Variants in CDK8 observed in about 807,000 individuals in gnomAD.
CDK8 encodes cyclin dependent kinase 8, also known as cyclin-dependent kinase 8.
CDK8 carries 29 observed loss-of-function variants against 71.5 expected under a neutral mutation model. The ratio of observed to expected loss-of-function variants is 0.41; its 90% CI spans 0.30 to 0.55. The LOEUF is 0.55. Ranked by LOEUF, CDK8 falls within the 20% of genes least tolerant of loss-of-function variation. The pLI is 0.37. For synonymous variants in CDK8, 161 were observed against 192.1 expected (o/e 0.84, Z 1.34); for missense variants, 288 against 572.6 (o/e 0.50, Z 5.07).
intron 1 of CDK8, among the ~76,000 whole-genome samples, chr13:26,291,008 A>G (rs553310712): frequency 6.6e-6 from 1 of 151,268 alleles, no homozygotes; most frequent in African/African-American, 2.4e-5. Context: ...AGTCCCAGCT[A>G]TTCGGGTGGT....
At chr13:26,351,390 G>C (rs1418363335) in intron 3 of CDK8, among the ~76,000 whole-genome samples, 1 of 151,548 alleles carries the variant, frequency 6.6e-6, no homozygotes, top group Admixed American at 6.6e-5. Context: ...TATTTTAAAA[G>C]AAATCTAATC....
intron 1 of CDK8, among the ~76,000 whole-genome samples, chr13:26,293,213 T>G (rs1252593729): frequency 1.3e-5 from 2 of 152,248 alleles, no homozygotes; most frequent in Non-Finnish European, 2.9e-5. Context: ...GTATATATAA[T>G]TTGTCATCTG....
chr13:26,298,920 C>A (rs918431397), intron 1 of CDK8, among the ~76,000 whole-genome samples: 1 of 152,110 alleles, frequency 6.6e-6, no homozygotes, highest in Non-Finnish European at 1.5e-5. Context: ...CACCAAGAAA[C>A]CCTGTCCTAA....
At chr13:26,287,932 A>G (rs1037567989) in intron 1 of CDK8, among the ~76,000 whole-genome samples, 1 of 152,096 alleles carries the variant, frequency 6.6e-6, no homozygotes, top group African/African-American at 2.4e-5. Context: ...TTGTCTTTTA[A>G]TGAGCAGAAG....
At chr13:26,307,577 A>G (rs995393532) in intron 1 of CDK8, among the ~76,000 whole-genome samples, 7 of 152,216 alleles carry the variant, frequency 4.6e-5, no homozygotes, top group Admixed American at 2.6e-4. Context: ...CTTCCTACCC[A>G]TAAATCTGTA....
rs1876393095 is a variant in CDK8 at position 26,404,036 on chromosome 13, C to T, written c.1350C>T (p.Thr450=). ...AGAGCAGCATGGGATACTCAGCTAC[C>T]TCCCAGCAGCCTCCACAGTACTCAC... is the stretch of plus-strand genomic sequence containing the variant. ...QPQSSMGYSA[T]SQQPPQYSHQ... Residue 450 remains threonine (T), a synonymous_variant, in exon 13 of 13, where the codon ACC becomes ACT. Transcript: ENST00000381527. 1 of 1,614,066 alleles carries T rather than the reference C, an allele frequency of 6.2e-7. No homozygotes were observed. Among genetic ancestry groups the T allele is most frequent in the Non-Finnish European group, 8.5e-7 (1 of 1,179,980 alleles).
chr13:26,311,381 C>CT (rs1874278106), intron 1 of CDK8, among the ~76,000 whole-genome samples: 1 of 151,904 alleles, frequency 6.6e-6, no homozygotes, highest in Non-Finnish European at 1.5e-5. Context: ...TTATTAAGTT[C>CT]TTGTTTGTCT....
At position 26,254,181 on chromosome 13, in the gene CDK8, G is replaced by A. The variant is rs952235039; in HGVS notation, c.-461G>A. 4 of 233,294 alleles carry A rather than the reference G, an allele frequency of 1.7e-5. No individual in the cohort carries two copies. Among genetic ancestry groups the A allele is most frequent in the South Asian group, 1.5e-4 (1 of 6,750 alleles). The allele number at this position is 233,294 out of a possible 1,614,324, so 14.5% of individuals were successfully genotyped here. On this transcript the variant is annotated 5_prime_UTR_variant, in exon 1 of 13. Coordinates refer to ENST00000381527, the MANE Select transcript of CDK8 (RefSeq NM_001260.3). This position sits in a 1 kb window ranked among gnomAD's most constrained non-coding sequence, Gnocchi z 6.7. Reference sequence around the variant, plus strand: ...TGCCCTTCTGTTTGAGTGTATGGGAGAGTGAGTGAGTGAGTGAGTGTGAGC... The same window carrying A: ...TGCCCTTCTGTTTGAGTGTATGGGAAAGTGAGTGAGTGAGTGAGTGTGAGC...
chr13:26,345,026 A>G (rs1873405357), intron 2 of CDK8, among the ~76,000 whole-genome samples: 2 of 152,226 alleles, frequency 1.3e-5, no homozygotes, highest in Admixed American at 6.5e-5. Context: ...TGATACATGT[A>G]TGTATACCAG....
chr13:26,255,063 G>C (rs943291735), intron 1 of CDK8, among the ~76,000 whole-genome samples: 3 of 151,892 alleles, frequency 2.0e-5, no homozygotes, highest in Admixed American at 2.0e-4. Context: ...GAAAAAATTC[G>C]TTCTAAAACG....
At chr13:26,261,336 C>T (rs913287942) in intron 1 of CDK8, among the ~76,000 whole-genome samples, 1 of 152,182 alleles carries the variant, frequency 6.6e-6, no homozygotes, top group East Asian at 1.9e-4. Context: ...TAAAATTCAC[C>T]CTTTTAAAAG....
chr13:26,332,248 G>A (rs1394282413), intron 1 of CDK8, among the ~76,000 whole-genome samples: 1 of 151,878 alleles, frequency 6.6e-6, no homozygotes, highest in South Asian at 2.1e-4. Context: ...TCATTTGGGA[G>A]GCTGAGGTGG....
intron 1 of CDK8, among the ~76,000 whole-genome samples, chr13:26,264,330 G>A (rs1185949176): frequency 6.6e-6 from 1 of 151,540 alleles, no homozygotes; most frequent in Non-Finnish European, 1.5e-5. Flanking sequence ...CTGTTCCCTG[G>A]GCTGGAGTGC....
chr13:26,356,602 A>G (rs368803819), intron 4 of CDK8, among the ~76,000 whole-genome samples: 4 of 152,306 alleles, frequency 2.6e-5, no homozygotes, highest in African/African-American at 7.2e-5. Context: ...CTCATTTACC[A>G]TATATGTACA....
At chr13:26,393,287 A>T (rs1261555501) in intron 6 of CDK8, 80 bp from the exon 7 acceptor site, 3 of 905,398 alleles carry the variant, frequency 3.3e-6, no homozygotes, top group Non-Finnish European at 4.9e-6. Flanking sequence ...TTTTGGAAAG[A>T]ACCACTTTAT....
intron 1 of CDK8, among the ~76,000 whole-genome samples, chr13:26,269,858 CTTA>C (rs1264211026): frequency 5.9e-5 from 9 of 152,012 alleles, no homozygotes; most frequent in South Asian, 4.1e-4. Flanking sequence ...CTACTAGTTA[CTTA>C]TTATTTATTT....
At chr13:26,346,582 C>G (rs543486562) in intron 2 of CDK8, among the ~76,000 whole-genome samples, 2 of 152,242 alleles carry the variant, frequency 1.3e-5, no homozygotes, top group Admixed American at 1.3e-4. Flanking sequence ...GCTCTTTGAG[C>G]CAGCTGGGAG....
intron 1 of CDK8, among the ~76,000 whole-genome samples, chr13:26,263,749 CTTT>C (rs577266586): frequency 2.3e-5 from 3 of 131,932 alleles, no homozygotes; most frequent in Non-Finnish European, 3.3e-5. Flanking sequence ...AAAAGACTCC[CTTT>C]TTTTTTTTTT....
intron 1 of CDK8, among the ~76,000 whole-genome samples, chr13:26,336,550 C>CTTTT (rs1227344754): frequency 0.016 from 1,934 of 121,142 alleles, 102 homozygotes; most frequent in African/African-American, 0.059. Flanking sequence ...TCTGAGGAGT[C>CTTTT]TTTTTTTTTT....
Sources: gnomAD v4.1 joint callset for allele counts (sites outside exome capture counted in the v4.1 genomes callset) on GRCh38, gnomAD v4.1.1 for gene constraint, Gnocchi (gnomAD v3.1) non-coding constraint, MANE v1.5 for transcripts, NCBI Gene and HGNC (gene_info 2026-07-23, HGNC 2026-07-21) for gene names.